The following MBNL2 variants were observed in gnomAD, a reference collection of about 807,000 sequenced individuals.
The protein encoded by MBNL2 is muscleblind-like protein 2.
A neutral mutation model predicts 41.9 loss-of-function variants in MBNL2; 17 were observed. The observed-to-expected ratio is 0.41, with a 90% CI of 0.28 to 0.61. The LOEUF (loss-of-function observed/expected upper bound fraction) is 0.61. Among genes scored for constraint, MBNL2 ranks in the 20% least tolerant of loss-of-function variants. MBNL2 has a pLI of 0.35. For missense variants in MBNL2, 336 were observed against 505.6 expected, an observed-to-expected ratio of 0.66 and a Z score of 3.22; for synonymous variants, 195 against 182.9, an observed-to-expected ratio of 1.07 and a Z score of -0.53.
At chr13:97,184,076 T>C in the MBNL2 span, among the ~76,000 whole-genome samples, 2 of 152,180 alleles carry the variant, frequency 1.3e-5, no homozygotes, top group South Asian at 2.1e-4. Flanking sequence ...ATCCAAACCA[T>C]GGGTTTTAAA....
the MBNL2 span, among the ~76,000 whole-genome samples, chr13:97,187,800 C>T: frequency 6.6e-6 from 1 of 150,442 alleles, no homozygotes; most frequent in Non-Finnish European, 1.5e-5. Flanking sequence ...CCAGCTACTC[C>T]GGAGGCTGAG....
intron 3 of MBNL2, among the ~76,000 whole-genome samples, chr13:97,337,467 A>G (rs9556702): frequency 0.61 from 92,384 of 151,960 alleles, 30,768 homozygotes; most frequent in African/African-American, 0.9. Flanking sequence ...TTCCTCTTCC[A>G]TATGTTGAGG....
chr13:97,206,313 G>A, the MBNL2 span, among the ~76,000 whole-genome samples: 1 of 151,940 alleles, frequency 6.6e-6, no homozygotes, highest in East Asian at 1.9e-4. Context: ...GACTGAGGAT[G>A]TCATACAGTC....
chr13:97,174,862 T>C, the MBNL2 span, among the ~76,000 whole-genome samples: 3 of 152,012 alleles, frequency 2.0e-5, no homozygotes, highest in Admixed American at 2.0e-4. Flanking sequence ...AAAGACTCAA[T>C]GACAGTCCAC....
intron 7 of MBNL2, among the ~76,000 whole-genome samples, chr13:97,358,505 A>C (rs74397377): frequency 0.016 from 2,428 of 152,278 alleles, 63 homozygotes; most frequent in African/African-American, 0.048. Context: ...AACTGACCCC[A>C]AAAAGTCAGA....
intron 1 of MBNL2, among the ~76,000 whole-genome samples, chr13:97,264,883 C>T (rs937387915): frequency 1.3e-5 from 2 of 152,332 alleles, no homozygotes; most frequent in East Asian, 1.9e-4. Flanking sequence ...GCTGACAGAT[C>T]GATCATTGTT....
intron 5 of MBNL2, among the ~76,000 whole-genome samples, chr13:97,350,791 GTTAC>G (rs2062376056): frequency 6.6e-6 from 1 of 152,168 alleles, no homozygotes; most frequent in African/African-American, 2.4e-5. Context: ...TACATCTGGA[GTTAC>G]TTACTTTTTC....
chr13:97,151,034 A>T, the MBNL2 span, among the ~76,000 whole-genome samples: 1 of 152,190 alleles, frequency 6.6e-6, no homozygotes, highest in Non-Finnish European at 1.5e-5. Flanking sequence ...AAAGGACTAT[A>T]AGAGGTTAAA....
chr13:97,238,331 G>A (rs2043672093), intron 1 of MBNL2, among the ~76,000 whole-genome samples: 1 of 152,168 alleles, frequency 6.6e-6, no homozygotes, highest in African/African-American at 2.4e-5. Context: ...AATTTCCTAG[G>A]CACACTTCCA....
Position 97,346,519 on chromosome 13 carries a change from T to C in MBNL2, c.541-285T>C, listed in dbSNP as rs918067913. 2.6e-5 allele frequency among the ~76,000 whole-genome samples: 4 copies of C among 152,168 alleles called. No homozygotes were observed. Among genetic ancestry groups the C allele is most frequent in the African/African-American group, 7.2e-5 (3 of 41,442 alleles). On this transcript the variant is annotated intron_variant, in intron 4 of 8. Coordinates refer to ENST00000679496, the MANE Select transcript of MBNL2 (RefSeq NM_001382683.1). This position sits in a 1 kb window ranked among gnomAD's most constrained non-coding sequence, Gnocchi z 4.2. Reference sequence around the variant, plus strand: ...TGCATAATATGCTACCCAGGGACAATGGAGGCCTTGTTGCTTTTCCTTTGT... The same window carrying C: ...TGCATAATATGCTACCCAGGGACAACGGAGGCCTTGTTGCTTTTCCTTTGT...
At chr13:97,381,193 T>G (rs1055294283) in intron 8 of MBNL2, among the ~76,000 whole-genome samples, 9 of 152,110 alleles carry the variant, frequency 5.9e-5, no homozygotes, top group African/African-American at 1.7e-4. Context: ...GCTGGAAAAT[T>G]TGTTATATGG....
the MBNL2 span, among the ~76,000 whole-genome samples, chr13:97,179,166 C>G: frequency 2.0e-5 from 3 of 152,204 alleles, no homozygotes; most frequent in Non-Finnish European, 2.9e-5. Flanking sequence ...CACCACTTCT[C>G]TTTACAAGCC....
At chr13:97,326,753 C>T (rs1430357681) in intron 2 of MBNL2, among the ~76,000 whole-genome samples, 1 of 152,098 alleles carries the variant, frequency 6.6e-6, no homozygotes, top group Non-Finnish European at 1.5e-5. Context: ...CAAAAGAAGC[C>T]CAAAAGCCTA....
In MBNL2 at chr13:97,334,148, C is replaced by CCACACACACACACACACACACA. The variant is rs34820289; in HGVS notation, c.175-121_175-100dup. The CCACACACACACACACACACACA allele has an allele frequency of 3.7e-6, 2 of 547,336 alleles. No homozygotes were observed. Among genetic ancestry groups the CCACACACACACACACACACACA allele is most frequent in the African/African-American group, 4.0e-5 (2 of 49,562 alleles). 33.9% of individuals were successfully genotyped at this position (547,336 alleles called of 1,614,324 possible). ...AACACATGAGCATGCGCGCGCACAC[C>CCACACACACACACACACACACA]CACACACACACACACACACACACAC... On this transcript the variant is annotated intron_variant, in intron 2 of 8. Coordinates refer to ENST00000679496, the MANE Select transcript of MBNL2 (RefSeq NM_001382683.1). This position sits in a 1 kb window ranked among gnomAD's most constrained non-coding sequence, Gnocchi z 5.3.
At chr13:97,198,470 G>T in the MBNL2 span, among the ~76,000 whole-genome samples, 1 of 149,414 alleles carries the variant, frequency 6.7e-6, no homozygotes, top group African/African-American at 2.4e-5. Flanking sequence ...GATCTGCAGG[G>T]TATATAATAA....
At chr13:97,161,802 A>G in the MBNL2 span, among the ~76,000 whole-genome samples, 1 of 152,218 alleles carries the variant, frequency 6.6e-6, no homozygotes, top group Non-Finnish European at 1.5e-5. Flanking sequence ...CAGATTACCT[A>G]GAACTGGTAC....
chr13:97,177,946 C>T, the MBNL2 span, among the ~76,000 whole-genome samples: 2 of 152,126 alleles, frequency 1.3e-5, no homozygotes, highest in Non-Finnish European at 2.9e-5. Context: ...TAAGTATAAG[C>T]GTAAGTTGCA....
chr13:97,302,046 C>A (rs1182366783), intron 2 of MBNL2, among the ~76,000 whole-genome samples: 1 of 152,170 alleles, frequency 6.6e-6, no homozygotes, highest in African/African-American at 2.4e-5. Context: ...GAGATTTCTG[C>A]AGCAATTCCT....
the MBNL2 span, among the ~76,000 whole-genome samples, chr13:97,155,528 C>T: frequency 2.0e-5 from 3 of 150,534 alleles, no homozygotes; most frequent in Admixed American, 6.6e-5. Flanking sequence ...GTATATCTCC[C>T]AATGCTATCC....
Sources: gnomAD v4.1 joint callset for allele counts (sites outside exome capture counted in the v4.1 genomes callset) on GRCh38, gnomAD v4.1.1 for gene constraint, Gnocchi (gnomAD v3.1) non-coding constraint, MANE v1.5 for transcripts, NCBI Gene and HGNC (gene_info 2026-07-23, HGNC 2026-07-21) for gene names.